PKD2: variants seen among roughly 807,000 people sequenced by gnomAD.
PKD2 encodes polycystin-2.
Under a neutral mutation model 105.9 loss-of-function variants are expected in PKD2, and 48 were observed. The observed-to-expected ratio is 0.45, with a 90% confidence interval of 0.36 to 0.58. The LOEUF is 0.58. Among genes scored for constraint, PKD2 ranks in the 20% least tolerant of loss-of-function variants. PKD2 has a pLI of 0.00. For synonymous variants in PKD2, 464 were observed against 481.1 expected (o/e 0.96, Z 0.46); for missense variants, 1,078 against 1,255.3 (o/e 0.86, Z 2.13).
intron 1 of PKD2, among the ~76,000 whole-genome samples, chr4:88,009,402 C>A (rs905596561): frequency 7.9e-5 from 12 of 152,146 alleles, no homozygotes; most frequent in African/African-American, 2.9e-4. Context: ...AAAACCAGGT[C>A]AGGCCTACAC....
chr4:88,008,963 G>T (rs1312060597), intron 1 of PKD2, among the ~76,000 whole-genome samples: 1 of 152,100 alleles, frequency 6.6e-6, no homozygotes, highest in Non-Finnish European at 1.5e-5. Context: ...TCTAATTCTA[G>T]ACATTTTTCT....
chr4:88,070,574 T>TTATA lies in PKD2; in HGVS notation c.2522+2538_2522+2541dup, dbSNP rs57470805. ...TTATTTATTTATTTATTTATTTATT[T>TTATA]TATATATATATATATATATATATAT... On this transcript the variant is annotated intron_variant, in intron 13 of 14. Coordinates refer to ENST00000237596, the MANE Select transcript of PKD2 (RefSeq NM_000297.4). Among the ~76,000 whole-genome samples, 630 of 113,750 alleles carry TTATA rather than the reference T, an allele frequency of 5.5e-3. 1 individual carries two copies. Among genetic ancestry groups the TTATA allele is most frequent in the Admixed American group, 9.5e-3 (95 of 10,020 alleles). 74.6% of individuals were successfully genotyped at this position (113,750 alleles called of 152,430 possible).
chr4:88,043,521 G>T, intron 5 of PKD2, 64 bp downstream of exon 5: 1 of 1,237,552 alleles, frequency 8.1e-7, no homozygotes. Flanking sequence ...CTATTCTGGG[G>T]TTAGCCAGAA....
intron 4 of PKD2, among the ~76,000 whole-genome samples, chr4:88,039,037 G>T (rs185697565): frequency 6.6e-6 from 1 of 152,106 alleles, no homozygotes; most frequent in African/African-American, 2.4e-5. Flanking sequence ...GTACACTTTG[G>T]TACTCCTACT....
At chr4:88,017,546 A>G (rs999071150) in intron 1 of PKD2, among the ~76,000 whole-genome samples, 1 of 152,064 alleles carries the variant, frequency 6.6e-6, no homozygotes, top group African/African-American at 2.4e-5. Context: ...TGTAGCTGGG[A>G]TTACAGGCGC....
At chr4:88,068,918 T>A (rs1224296687) in intron 13 of PKD2, among the ~76,000 whole-genome samples, 1 of 152,214 alleles carries the variant, frequency 6.6e-6, no homozygotes, top group Non-Finnish European at 1.5e-5. Flanking sequence ...ATTTTGGAAC[T>A]CTGTTGTTGG....
At chr4:88,074,623 G>C (rs1721163161) in intron 13 of PKD2, among the ~76,000 whole-genome samples, 189 bp from the exon 14 acceptor site, 1 of 152,182 alleles carries the variant, frequency 6.6e-6, no homozygotes, top group Admixed American at 6.5e-5. Context: ...TTGCAGGAAA[G>C]TTGTTTCAGT....
At chr4:88,037,581 C>T (rs1469351650) in intron 3 of PKD2, among the ~76,000 whole-genome samples, 1 of 152,156 alleles carries the variant, frequency 6.6e-6, no homozygotes, top group African/African-American at 2.4e-5. Context: ...CATCCAAAAC[C>T]ACACTTGTAT....
intron 2 of PKD2, among the ~76,000 whole-genome samples, chr4:88,026,820 C>T (rs1726975123): frequency 6.6e-6 from 1 of 152,238 alleles, no homozygotes; most frequent in Non-Finnish European, 1.5e-5. Context: ...CCAGCCACTC[C>T]AGCTCCAGCT....
At chr4:88,012,976 A>G (rs1349299364) in intron 1 of PKD2, among the ~76,000 whole-genome samples, 1 of 152,316 alleles carries the variant, frequency 6.6e-6, no homozygotes, top group Admixed American at 6.5e-5. Flanking sequence ...TCATCATAAA[A>G]AGGAAGTTTG....
chr4:88,059,686 A>G (rs1720493625), intron 9 of PKD2, among the ~76,000 whole-genome samples: 1 of 152,134 alleles, frequency 6.6e-6, no homozygotes, highest in African/African-American at 2.4e-5. Context: ...ACGACTGCAC[A>G]AAAAAGAATT....
chr4:88,016,055 C>T (rs1353367011), intron 1 of PKD2, among the ~76,000 whole-genome samples: 3 of 152,162 alleles, frequency 2.0e-5, no homozygotes, highest in Non-Finnish European at 4.4e-5. Flanking sequence ...TCTTCACATG[C>T]GCAGTTCACA....
chr4:88,011,452 C>T (rs747391764), intron 1 of PKD2, among the ~76,000 whole-genome samples: 8 of 151,082 alleles, frequency 5.3e-5, no homozygotes, highest in African/African-American at 1.5e-4. Context: ...ATTTTTTGCT[C>T]GTGTAACATT....
chr4:88,017,418 T>C (rs902464539), intron 1 of PKD2, among the ~76,000 whole-genome samples: 3 of 152,206 alleles, frequency 2.0e-5, no homozygotes, highest in African/African-American at 7.2e-5. Flanking sequence ...TTGAATATTA[T>C]TATTTTTTCA....
chr4:88,064,053 G>T (rs965196373), intron 10 of PKD2, among the ~76,000 whole-genome samples: 1 of 152,176 alleles, frequency 6.6e-6, no homozygotes, highest in Non-Finnish European at 1.5e-5. Flanking sequence ...TACTCAAGTG[G>T]CTGAGGCACG....
chr4:88,056,018 G>A (rs1720314300), intron 7 of PKD2, 68 bp from the exon 8 acceptor site: 2 of 1,000,512 alleles, frequency 2.0e-6, no homozygotes, highest in South Asian at 2.6e-5. Context: ...ATGAAATAAT[G>A]TTTTATTATA....
intron 2 of PKD2, among the ~76,000 whole-genome samples, chr4:88,020,295 A>C (rs1726703570): frequency 6.6e-6 from 1 of 152,240 alleles, no homozygotes; most frequent in Non-Finnish European, 1.5e-5. Context: ...TGGCGTATAC[A>C]TGTAATATCC....
intron 4 of PKD2, among the ~76,000 whole-genome samples, chr4:88,042,031 A>G (rs1578132920): frequency 6.6e-6 from 1 of 152,062 alleles, no homozygotes; most frequent in African/African-American, 2.4e-5. Flanking sequence ...ACCACAGACC[A>G]CCTTTCAATC....
At position 88,075,500 on chromosome 4, in the gene PKD2, A is replaced by G. The variant is rs573871626; in HGVS notation, c.2713A>G (p.Met905Val). The G allele has an allele frequency of 1.2e-6, 2 of 1,614,184 alleles. No homozygotes were observed. Among genetic ancestry groups the G allele is most frequent in the Non-Finnish European group, 1.7e-6 (2 of 1,180,006 alleles). The stretch of plus-strand genomic sequence containing the variant: ...TGACAGTGAAATCCATAGGGAACAG[A>G]TGGAACGGCTAGTACGTGAAGAGTT... The part of the protein sequence containing the change: ...GRDSEIHREQ[M>V]ERLVREELER... Residue 905 changes from methionine to valine, a missense_variant, in exon 15 of 15, where the codon ATG becomes GTG. By Grantham distance (21) the Met-to-Val change is conservative (BLOSUM62 1). This residue lies in a region of PKD2 where 868 missense variants were observed against 1,067.3 expected (regional missense o/e 0.81). Coordinates refer to ENST00000237596, the MANE Select transcript of PKD2 (RefSeq NM_000297.4).
Sources: allele counts gnomAD v4.1 joint callset (sites outside exome capture counted in the v4.1 genomes callset), GRCh38; gene constraint gnomAD v4.1.1; regional missense constraint gnomAD v4.1.1; transcripts MANE v1.5; gene names NCBI Gene and HGNC (gene_info 2026-07-23, HGNC 2026-07-21).